Variants in GPC5 observed in about 807,000 individuals in gnomAD.
The protein encoded by GPC5 is glypican 5.
A neutral mutation model predicts 53.9 loss-of-function variants in GPC5; 47 were observed. The ratio of observed to expected loss-of-function variants is 0.87; its 90% CI spans 0.69 to 1.11. GPC5 has a LOEUF of 1.11. Ranked by LOEUF, GPC5 falls within the 50% of genes most tolerant of loss-of-function variation. GPC5 has a pLI of 0.00. For synonymous variants in GPC5, 286 were observed against 263.3 expected, an observed-to-expected ratio of 1.09 and a Z score of -0.84; for missense variants, 748 against 713.1, an observed-to-expected ratio of 1.05 and a Z score of -0.56.
intron 6 of GPC5, among the ~76,000 whole-genome samples, chr13:91,952,270 A>G (rs77322585): frequency 0.021 from 3,224 of 151,972 alleles, 100 homozygotes; most frequent in African/African-American, 0.074. Context: ...GATTTCTTCT[A>G]TTCTTCACAA....
At chr13:92,604,787 G>A (rs1457122788) in intron 7 of GPC5, among the ~76,000 whole-genome samples, 1 of 152,116 alleles carries the variant, frequency 6.6e-6, no homozygotes, top group African/African-American at 2.4e-5. Context: ...ATTACTAAGT[G>A]CTTTTATTTT....
chr13:91,771,047 G>A (rs1451983070), intron 5 of GPC5, among the ~76,000 whole-genome samples: 1 of 152,152 alleles, frequency 6.6e-6, no homozygotes, highest in Non-Finnish European at 1.5e-5. Flanking sequence ...TAACCACACT[G>A]AGAATAAAGC....
intron 7 of GPC5, among the ~76,000 whole-genome samples, chr13:92,613,324 T>TATATATAAA (rs1555295268): frequency 1.9e-5 from 2 of 105,866 alleles, no homozygotes; most frequent in African/African-American, 8.4e-5. Context: ...TAATAAATAT[T>TATATATAAA]TATATAATAT....
At chr13:91,640,129 A>G (rs1482966069) in intron 2 of GPC5, among the ~76,000 whole-genome samples, 1 of 152,152 alleles carries the variant, frequency 6.6e-6, no homozygotes, top group African/African-American at 2.4e-5. Flanking sequence ...GTATTTATAT[A>G]GAATTAACTT....
chr13:91,840,274 A>G (rs1310469001), intron 5 of GPC5, among the ~76,000 whole-genome samples: 2 of 151,948 alleles, frequency 1.3e-5, no homozygotes, highest in Non-Finnish European at 1.5e-5. Context: ...TGACTTATTC[A>G]TCTTTCTCTT....
At chr13:91,462,787 A>T (rs1327795244) in intron 2 of GPC5, among the ~76,000 whole-genome samples, 1 of 152,110 alleles carries the variant, frequency 6.6e-6, no homozygotes, top group Non-Finnish European at 1.5e-5. Flanking sequence ...ATGTGCTTAC[A>T]TACTAGCTAT....
intron 5 of GPC5, among the ~76,000 whole-genome samples, chr13:91,829,936 T>G (rs1334474924): frequency 6.6e-6 from 1 of 152,090 alleles, no homozygotes; most frequent in Non-Finnish European, 1.5e-5. Context: ...ACCACAGGAC[T>G]GGGATGAAAT....
chr13:92,174,647 C>A (rs931509920), intron 7 of GPC5, among the ~76,000 whole-genome samples: 3 of 152,022 alleles, frequency 2.0e-5, no homozygotes, highest in African/African-American at 7.3e-5. Context: ...TTAAAAACAG[C>A]AAAAAGTATT....
intron 7 of GPC5, among the ~76,000 whole-genome samples, chr13:92,276,147 C>A (rs1233823802): frequency 6.6e-6 from 1 of 152,058 alleles, no homozygotes; most frequent in Non-Finnish European, 1.5e-5. Flanking sequence ...AGGTTGTTTG[C>A]AAGGTTACTT....
At chr13:91,988,786 T>C (rs1479084939) in intron 6 of GPC5, among the ~76,000 whole-genome samples, 1 of 152,094 alleles carries the variant, frequency 6.6e-6, no homozygotes, top group South Asian at 2.1e-4. Flanking sequence ...AAATTTGTTA[T>C]GTGGAATACT....
At chr13:91,668,778 A>T (rs1009994611) in intron 2 of GPC5, among the ~76,000 whole-genome samples, 16 of 152,296 alleles carry the variant, frequency 1.1e-4, no homozygotes, top group African/African-American at 3.6e-4. Context: ...AACCTTTAGC[A>T]CCCTGAGAAT....
At chr13:92,216,971 C>A (rs115864155) in intron 7 of GPC5, among the ~76,000 whole-genome samples, 5,562 of 128,964 alleles carry the variant, frequency 0.043, 370 homozygotes, top group African/African-American at 0.15. Flanking sequence ...AGAGGAAGAT[C>A]TTGTCTCAAA....
chr13:91,981,515 T>G (rs1240271879), intron 6 of GPC5, among the ~76,000 whole-genome samples: 2 of 152,174 alleles, frequency 1.3e-5, no homozygotes, highest in Non-Finnish European at 2.9e-5. Flanking sequence ...GGTCTCGATC[T>G]CCTGACCTCG....
At chr13:91,746,151 G>A (rs141734777) in intron 4 of GPC5, among the ~76,000 whole-genome samples, 1 of 152,266 alleles carries the variant, frequency 6.6e-6, no homozygotes, top group African/African-American at 2.4e-5. Context: ...TCTACTGTTT[G>A]ACAGCTGTGG....
At chr13:91,427,280 C>T (rs948765282) in intron 1 of GPC5, among the ~76,000 whole-genome samples, 1 of 152,204 alleles carries the variant, frequency 6.6e-6, no homozygotes, top group Non-Finnish European at 1.5e-5. Flanking sequence ...GTCACAGACA[C>T]TCAATGCCAG....
intron 2 of GPC5, among the ~76,000 whole-genome samples, chr13:91,503,813 T>TAATAATAAC (rs1555316247): frequency 6.8e-6 from 1 of 147,316 alleles, no homozygotes; most frequent in Non-Finnish European, 1.5e-5. Context: ...ATAATAATAA[T>TAATAATAAC]AATAATCAGG....
At chr13:92,125,551 G>T (rs2041687650) in intron 6 of GPC5, among the ~76,000 whole-genome samples, 1 of 152,180 alleles carries the variant, frequency 6.6e-6, no homozygotes, top group South Asian at 2.1e-4. Context: ...AGTAGGAGGA[G>T]GACAGAGATG....
intron 2 of GPC5, among the ~76,000 whole-genome samples, chr13:91,647,000 G>T (rs1314143395): frequency 1.3e-5 from 2 of 151,308 alleles, no homozygotes; most frequent in East Asian, 3.9e-4. Context: ...TTAAAAATAA[G>T]ATATTAAAAC....
intron 2 of GPC5, among the ~76,000 whole-genome samples, chr13:91,671,794 A>AC (rs1293865030): frequency 2.0e-5 from 3 of 149,472 alleles, no homozygotes; most frequent in Non-Finnish European, 4.5e-5. Flanking sequence ...AAAAAAAAAA[A>AC]AAAAAAAAAA....
Sources: gnomAD v4.1 joint callset for allele counts (sites outside exome capture counted in the v4.1 genomes callset) on GRCh38, gnomAD v4.1.1 for gene constraint, MANE v1.5 for transcripts, NCBI Gene and HGNC (gene_info 2026-07-23, HGNC 2026-07-21) for gene names.